The following CARNMT1 variants were observed in gnomAD, a reference collection of about 807,000 sequenced individuals.
The protein encoded by CARNMT1 is carnosine N-methyltransferase 1.
CARNMT1 carries 28 observed loss-of-function variants against 49.6 expected under a neutral mutation model. That is an observed-to-expected ratio of 0.56 (90% CI 0.42 to 0.77). The LOEUF (loss-of-function observed/expected upper bound fraction) is 0.77, where lower values mean the gene tolerates loss of function less well. CARNMT1 is among the 30% of genes least tolerant of loss of function. CARNMT1 has a pLI of 0.00. For missense variants in CARNMT1, 421 were observed against 512.6 expected (o/e 0.82, Z 1.73); for synonymous variants, 178 against 175.0 (o/e 1.02, Z -0.13).
chr9:75,003,395 T>C (rs1330841430), intron 3 of CARNMT1, among the ~76,000 whole-genome samples: 3 of 152,402 alleles, frequency 2.0e-5, no homozygotes, highest in South Asian at 4.1e-4. Flanking sequence ...GCCAGTCACC[T>C]GTCATTGTAA....
At position 75,028,114 on chromosome 9, in the gene CARNMT1, A is replaced by T; in HGVS notation, c.128T>A (p.Val43Asp). ...SAGRWGSAAA[V>D]SAAAAAATRS... ...CGTGGCCGCCGCCGCTGCCGCCGAAACCGCCGCGGCCGAGCCCCAACGCCC... is the reference window on the plus strand; with the variant it reads ...CGTGGCCGCCGCCGCTGCCGCCGAATCCGCCGCGGCCGAGCCCCAACGCCC... The change falls in exon 1 of 8, where the codon GTT becomes GAT. Residue 43 changes from valine to aspartate, a missense_variant. Around this residue, in one of 2 missense-constraint regions of CARNMT1, gnomAD observed 186 missense variants for 167.9 expected, o/e 1.11. Coordinates refer to ENST00000376834, the MANE Select transcript of CARNMT1 (RefSeq NM_152420.3). 1 of 1,556,670 alleles carries T rather than the reference A, an allele frequency of 6.4e-7. No homozygotes were observed. The highest frequency in any genetic ancestry group is 2.6e-5 in the East Asian group (1 of 39,106).
At chr9:75,009,147 C>G (rs142591934) in intron 3 of CARNMT1, among the ~76,000 whole-genome samples, 2,184 of 151,092 alleles carry the variant, frequency 0.014, 23 homozygotes, top group African/African-American at 0.021. Context: ...TTACCTTACC[C>G]ACATATAAAA....
chr9:74,989,569 T>C (rs1832954864), intron 6 of CARNMT1, among the ~76,000 whole-genome samples: 1 of 152,158 alleles, frequency 6.6e-6, no homozygotes, highest in Admixed American at 6.5e-5. Context: ...CCAAATCTCA[T>C]CTCAAATTAT....
At chr9:74,997,987 T>G (rs1833241350) in intron 5 of CARNMT1, among the ~76,000 whole-genome samples, 1 of 152,066 alleles carries the variant, frequency 6.6e-6, no homozygotes, top group Non-Finnish European at 1.5e-5. Context: ...TTAGTGCCAA[T>G]CTCCCTCTCC....
chr9:74,997,309 G>A (rs1255351333), intron 5 of CARNMT1, among the ~76,000 whole-genome samples: 2 of 152,046 alleles, frequency 1.3e-5, no homozygotes, highest in African/African-American at 4.8e-5. Context: ...CAGAGTACAG[G>A]TTGTCCCAGT....
At position 75,013,992 on chromosome 9, in the gene CARNMT1, AAAAAAAAAAAAACCACATCCACTTACTT is replaced by A. The variant is rs1432138344; in HGVS notation, c.590+2248_590+2275del. On this transcript the variant is annotated intron_variant, in intron 3 of 7. Coordinates refer to ENST00000376834, the MANE Select transcript of CARNMT1 (RefSeq NM_152420.3). ...TGTCAAAAAAAAGAGAGAGAGAGAGAAAAAAAAAAAAACCACATCCACTTACTTAAAAAAAAAAAAAAAAAAAAACCCC... is the reference window on the plus strand; with the variant it reads ...TGTCAAAAAAAAGAGAGAGAGAGAGAAAAAAAAAAAAAAAAAAAAAACCCC... 5.4e-3 allele frequency among the ~76,000 whole-genome samples: 772 copies of A among 142,082 alleles called. 4 individuals carry two copies. Among genetic ancestry groups the A allele is most frequent in the African/African-American group, 0.019 (730 of 38,496 alleles). 93.2% of individuals were successfully genotyped at this position (142,082 alleles called of 152,430 possible).
intron 6 of CARNMT1, among the ~76,000 whole-genome samples, chr9:74,989,943 A>C (rs970342729): frequency 6.6e-6 from 1 of 152,234 alleles, no homozygotes; most frequent in African/African-American, 2.4e-5. Context: ...GAAACTATCC[A>C]GAGTGCAGCA....
rs79773647 is a variant in CARNMT1 at position 74,983,605 on chromosome 9, G to C, written c.*162C>G. The C allele has an allele frequency of 3.6e-3, 1,787 of 490,386 alleles. 27 individuals carry two copies. The highest frequency in any genetic ancestry group is 0.029 in the African/African-American group (1,504 of 51,528). 30.4% of individuals were successfully genotyped at this position (490,386 alleles called of 1,614,324 possible). A position where few individuals can be genotyped will look rare whatever the true frequency, so the allele number is the denominator to read the frequency against. On this transcript the variant is annotated 3_prime_UTR_variant, in exon 8 of 8. Coordinates refer to ENST00000376834, the MANE Select transcript of CARNMT1 (RefSeq NM_152420.3). ...ATAGTATATTTCTGAAAAAGCAATA[G>C]ACATATTAAGAAAATAGACACTATT...
intron 3 of CARNMT1, among the ~76,000 whole-genome samples, chr9:75,003,144 C>T (rs1415809613): frequency 2.0e-5 from 3 of 152,136 alleles, no homozygotes; most frequent in Admixed American, 2.0e-4. Context: ...TTATTTCAGC[C>T]AGACAACTTC....
intron 3 of CARNMT1, among the ~76,000 whole-genome samples, chr9:75,004,836 A>AT (rs1833456241): frequency 6.6e-6 from 1 of 152,164 alleles, no homozygotes; most frequent in Non-Finnish European, 1.5e-5. Context: ...GACATAACAG[A>AT]TTTTCCCCCA....
rs529921113 is a variant in CARNMT1, at chr9:75,023,323, T to C, written c.230+4689A>G. On this transcript the variant is annotated intron_variant, in intron 1 of 7. Coordinates refer to ENST00000376834, the MANE Select transcript of CARNMT1 (RefSeq NM_152420.3). Reference sequence around the variant, plus strand: ...AAGTGTCATCTTGGTCATTATTCAATATCTCCGTATTTCAGCATATGTAAA... The same window carrying C: ...AAGTGTCATCTTGGTCATTATTCAACATCTCCGTATTTCAGCATATGTAAA... 1.4e-4 allele frequency among the ~76,000 whole-genome samples: 22 copies of C among 152,312 alleles called. No homozygotes were observed. The South Asian group carries it at 4.6e-3, about 32-fold the overall frequency.
Position 75,009,023 on chromosome 9 carries a change from C to T in CARNMT1, c.590+7245G>A, listed in dbSNP as rs888633681. Among the ~76,000 whole-genome samples the T allele has an allele frequency of 1.7e-4, 25 of 148,048 alleles. No individual in the cohort carries two copies. The South Asian group carries it at 4.1e-3, about 24-fold the overall frequency. On this transcript the variant is annotated intron_variant, in intron 3 of 7. Transcript: ENST00000376834. ...ACATACATGGTCCACTAATTTTCAA[C>T]GAGTCTACCAAGACCATTCAATCGG...
At chr9:75,017,865 A>T (rs1833897106) in intron 1 of CARNMT1, among the ~76,000 whole-genome samples, 1 of 152,200 alleles carries the variant, frequency 6.6e-6, no homozygotes, top group Non-Finnish European at 1.5e-5. Flanking sequence ...ACTAAAAGCT[A>T]ACCAGGTTGA....
At chr9:75,009,329 C>A (rs1220908834) in intron 3 of CARNMT1, among the ~76,000 whole-genome samples, 3 of 152,098 alleles carry the variant, frequency 2.0e-5, no homozygotes, top group Admixed American at 6.5e-5. Context: ...CACTACACCC[C>A]TGAACTCCTG....
At chr9:74,986,261 C>T (rs1461100688) in intron 6 of CARNMT1, among the ~76,000 whole-genome samples, 1 of 152,158 alleles carries the variant, frequency 6.6e-6, no homozygotes, top group Non-Finnish European at 1.5e-5. Flanking sequence ...GGTTCTGCTA[C>T]CAAGAGGCTT....
At chr9:75,016,645 T>A in intron 2 of CARNMT1, 1 of 511,674 alleles carries the variant, frequency 2.0e-6, no homozygotes, top group Non-Finnish European at 3.4e-6. Context: ...CCATTAATCA[T>A]AAAACCACCA....
At chr9:74,996,278 T>C (rs1833186926) in intron 6 of CARNMT1, 169 bp downstream of exon 6, 1 of 523,078 alleles carries the variant, frequency 1.9e-6, no homozygotes, top group Non-Finnish European at 3.4e-6. Flanking sequence ...TCCACTGCCT[T>C]TGGAGGGATC....
chr9:75,028,348 C>T (rs1042127430), upstream of CARNMT1: 1 of 1,304,986 alleles, frequency 7.7e-7, no homozygotes, highest in Non-Finnish European at 9.7e-7. Flanking sequence ...GACATGCCCC[C>T]AGCTCGCGGC....
rs1237918034 is a variant in CARNMT1 at position 75,017,205 on chromosome 9, C to T, written c.426+48G>A. The T allele has an allele frequency of 8.5e-6, 12 of 1,414,318 alleles. No homozygotes were observed. The East Asian group carries it at 1.1e-4, about 14-fold the overall frequency. 87.6% of individuals were successfully genotyped at this position (1,414,318 alleles called of 1,614,324 possible). On this transcript the variant is annotated intron_variant, in intron 2 of 7. Transcript: ENST00000376834. Reference sequence around the variant, plus strand: ...CCAGAAAATAAAAGACCTCAAAATACAGAGGTTGACCCTAAAATAAACAGA... The same window carrying T: ...CCAGAAAATAAAAGACCTCAAAATATAGAGGTTGACCCTAAAATAAACAGA...
Sources: allele counts gnomAD v4.1 joint callset (sites outside exome capture counted in the v4.1 genomes callset), GRCh38; gene constraint gnomAD v4.1.1; regional missense constraint gnomAD v4.1.1; transcripts MANE v1.5; gene names NCBI Gene and HGNC (gene_info 2026-07-23, HGNC 2026-07-21).